LY86: variants seen among roughly 807,000 people sequenced by gnomAD.
The protein encoded by LY86 is MD-1, RP105-associated.
A neutral mutation model predicts 17.3 loss-of-function variants in LY86; 20 were observed. That is an observed-to-expected ratio of 1.15 (90% CI 0.81 to 1.68). The LOEUF (loss-of-function observed/expected upper bound fraction) is 1.68, where lower values mean the gene tolerates loss of function less well. Ranked by LOEUF, LY86 falls within the 40% of genes most tolerant of loss-of-function variation. LY86 has a pLI of 0.00. For synonymous variants in LY86, 74 were observed against 70.6 expected (o/e 1.05, Z -0.24); for missense variants, 200 against 191.9 (o/e 1.04, Z -0.25).
chr6:6,636,166 C>G (rs939510685), intron 3 of LY86, among the ~76,000 whole-genome samples: 2 of 152,188 alleles, frequency 1.3e-5, no homozygotes, highest in African/African-American at 4.8e-5. Flanking sequence ...AGGGACCACA[C>G]TTTGAGAACC....
At chr6:6,609,473 G>C (rs1257607540) in intron 1 of LY86, among the ~76,000 whole-genome samples, 1 of 152,138 alleles carries the variant, frequency 6.6e-6, no homozygotes, top group Non-Finnish European at 1.5e-5. Flanking sequence ...GGAGATACTG[G>C]ATCTCTTATT....
intron 3 of LY86, among the ~76,000 whole-genome samples, chr6:6,636,592 G>C (rs1761961978): frequency 6.6e-6 from 1 of 152,210 alleles, no homozygotes; most frequent in Admixed American, 6.5e-5. Context: ...GTAGCAGGAA[G>C]ATGCCTTTGG....
intron 3 of LY86, among the ~76,000 whole-genome samples, chr6:6,641,830 T>TGGGGTGCCAGGAAGCC (rs1762045046): frequency 6.6e-6 from 1 of 152,232 alleles, no homozygotes; most frequent in Admixed American, 6.5e-5. Flanking sequence ...TACACTGGGC[T>TGGGGTGCCAGGAAGCC]GGGGTGCCAG....
chr6:6,613,416 C>A (rs777110112), intron 1 of LY86, among the ~76,000 whole-genome samples: 15 of 152,222 alleles, frequency 9.9e-5, no homozygotes, highest in South Asian at 2.1e-4. Flanking sequence ...TGGTGGGCTG[C>A]AGGTCCTGAG....
At position 6,588,832 on chromosome 6, in the gene LY86, G is replaced by C. The variant is rs774971248; in HGVS notation, c.98G>C (p.Cys33Ser). The C allele has an allele frequency of 1.2e-6, 2 of 1,614,148 alleles. No homozygotes were observed. Among genetic ancestry groups the C allele is most frequent in the South Asian group, 2.2e-5 (2 of 91,076 alleles). Residue 33 changes from cysteine (C) to serine (S), a missense_variant, in exon 1 of 5, where the codon TGT becomes TCT. Coordinates refer to ENST00000230568, the MANE Select transcript of LY86 (RefSeq NM_004271.4). Reference protein sequence around the residue: ...GGKAWPTHVVCSDSGLEVLYQ... With the variant: ...GGKAWPTHVVSSDSGLEVLYQ... The stretch of plus-strand genomic sequence containing the variant: ...AAAGCCTGGCCCACACACGTGGTCT[G>C]TAGCGACAGCGGCTTGGAAGTGCTC...
At chr6:6,609,118 G>A (rs2113111080) in intron 1 of LY86, among the ~76,000 whole-genome samples, 1 of 152,244 alleles carries the variant, frequency 6.6e-6, no homozygotes. Context: ...GTAAGAGCTT[G>A]TAATCTTTTA....
intron 1 of LY86, among the ~76,000 whole-genome samples, chr6:6,605,029 G>A (rs1282409206): frequency 7.2e-6 from 1 of 138,500 alleles, no homozygotes; most frequent in Non-Finnish European, 1.6e-5. Flanking sequence ...AAAAGACTTT[G>A]GAGAAAAAAA....
At chr6:6,612,524 C>T (rs1032494016) in intron 1 of LY86, among the ~76,000 whole-genome samples, 4 of 152,102 alleles carry the variant, frequency 2.6e-5, no homozygotes, top group African/African-American at 7.2e-5. Flanking sequence ...AGCAAAAGAA[C>T]AAACCAACCA....
At chr6:6,590,793 CA>C (rs1470333282) in intron 1 of LY86, among the ~76,000 whole-genome samples, 5 of 152,128 alleles carry the variant, frequency 3.3e-5, no homozygotes, top group Admixed American at 3.3e-4. Context: ...GATGAGGATG[CA>C]GTGCTTGAGC....
chr6:6,606,889 C>G (rs1278197380), intron 1 of LY86, among the ~76,000 whole-genome samples: 1 of 152,268 alleles, frequency 6.6e-6, no homozygotes, highest in Non-Finnish European at 1.5e-5. Context: ...CAACGGCAGG[C>G]TGAAGGGCAC....
intron 1 of LY86, among the ~76,000 whole-genome samples, chr6:6,612,010 A>AC (rs1242923223): frequency 3.2e-4 from 12 of 37,584 alleles, no homozygotes; most frequent in Non-Finnish European, 4.8e-4. Flanking sequence ...ACACTATGAA[A>AC]ATAATCTTTG....
chr6:6,636,297 G>C (rs542579751), intron 3 of LY86, among the ~76,000 whole-genome samples: 1 of 152,140 alleles, frequency 6.6e-6, no homozygotes, highest in Non-Finnish European at 1.5e-5. Flanking sequence ...CCTCAGTTTC[G>C]TCATCTGTAC....
chr6:6,614,281 A>G (rs1761491586), intron 1 of LY86, among the ~76,000 whole-genome samples: 1 of 152,148 alleles, frequency 6.6e-6, no homozygotes, highest in African/African-American at 2.4e-5. Context: ...ACAGACCGCA[A>G]AGGGAGGTAA....
chr6:6,608,122 C>T (rs759802237), intron 1 of LY86, among the ~76,000 whole-genome samples: 35 of 152,114 alleles, frequency 2.3e-4, no homozygotes, highest in Non-Finnish European at 4.1e-4. Flanking sequence ...CAAATTTGCC[C>T]GTCACTGCCA....
chr6:6,595,735 T>C (rs1044035262), intron 1 of LY86, among the ~76,000 whole-genome samples: 1 of 152,192 alleles, frequency 6.6e-6, no homozygotes, highest in African/African-American at 2.4e-5. Context: ...AGGGCCACTC[T>C]CTTATCATTA....
chr6:6,606,419 C>A lies in LY86; in HGVS notation c.136+17549C>A, dbSNP rs370724345. Among the ~76,000 whole-genome samples the A allele has an allele frequency of 3.3e-5, 5 of 152,356 alleles. No homozygotes were observed. In the East Asian group the frequency reaches 5.8e-4, roughly 18 times the overall value. Reference sequence around the variant, plus strand: ...TCCCAGCTGGCTTCACCCACTGGATCCTGCACCTGGGCGGCAGGTGGAGCT... The same window carrying A: ...TCCCAGCTGGCTTCACCCACTGGATACTGCACCTGGGCGGCAGGTGGAGCT... On this transcript the variant is annotated intron_variant, in intron 1 of 4. Transcript: ENST00000230568.
At chr6:6,649,479 A>ATG in intron 3 of LY86, 146 bp from the exon 4 acceptor site, 1 of 598,352 alleles carries the variant, frequency 1.7e-6, no homozygotes. Flanking sequence ...GTAGGTGTAG[A>ATG]TCAGGAAATG....
intron 1 of LY86, among the ~76,000 whole-genome samples, chr6:6,606,009 GAACAAAA>G (rs1761128040): frequency 6.6e-6 from 1 of 152,154 alleles, no homozygotes; most frequent in African/African-American, 2.4e-5. Context: ...AAAAGCAAAA[GAACAAAA>G]CTTCCACAGC....
At chr6:6,606,571 G>C (rs551594254) in intron 1 of LY86, among the ~76,000 whole-genome samples, 10 of 152,332 alleles carry the variant, frequency 6.6e-5, no homozygotes, top group African/African-American at 2.4e-4. Context: ...CCACGGAGCG[G>C]GGGGAGGCTC....
Sources: allele counts gnomAD v4.1 joint callset (sites outside exome capture counted in the v4.1 genomes callset), GRCh38; gene constraint gnomAD v4.1.1; transcripts MANE v1.5; gene names NCBI Gene and HGNC (gene_info 2026-07-23, HGNC 2026-07-21).